Variants in OSMR observed in about 807,000 individuals in gnomAD.
The protein encoded by OSMR is oncostatin-M-specific receptor subunit beta.
Under a neutral mutation model 99.9 loss-of-function variants are expected in OSMR, and 81 were observed. The observed-to-expected ratio is 0.81, with a 90% CI of 0.68 to 0.97. The LOEUF is 0.97. Among genes scored for constraint, OSMR ranks in the 50% least tolerant of loss-of-function variants. The pLI is 0.00. For synonymous variants in OSMR, 406 were observed against 410.4 expected, an observed-to-expected ratio of 0.99 and a Z score of 0.13; for missense variants, 1,099 against 1,153.4, an observed-to-expected ratio of 0.95 and a Z score of 0.68.
In OSMR at chr5:38,896,386, G is replaced by A. The variant is rs1744521185; in HGVS notation, c.992-7496G>A. ...CTGCTTTGGTTAAGTTAATTCCTAG[G>A]TATTTAATTTTACTTGTTGCTATTG... On this transcript the variant is annotated intron_variant, in intron 7 of 17. Coordinates refer to ENST00000274276, the MANE Select transcript of OSMR (RefSeq NM_003999.3). 5.9e-5 allele frequency among the ~76,000 whole-genome samples: 9 copies of A among 151,794 alleles called. No individual in the cohort carries two copies. The South Asian group carries it at 1.7e-3, about 28-fold the overall frequency.
intron 11 of OSMR, chr5:38,919,647 G>A (rs1459179374): frequency 3.5e-6 from 1 of 285,354 alleles, no homozygotes; most frequent in East Asian, 9.5e-5. Context: ...CATAAAAAGA[G>A]TCAACCCCAC....
At chr5:38,872,610 A>G (rs1742474423) in intron 2 of OSMR, among the ~76,000 whole-genome samples, 1 of 152,130 alleles carries the variant, frequency 6.6e-6, no homozygotes, top group African/African-American at 2.4e-5. Flanking sequence ...CTTTTATATT[A>G]TAACTTATTA....
chr5:38,918,732 G>A (rs1018674193), intron 10 of OSMR, 108 bp from the exon 11 acceptor site: 1 of 1,534,880 alleles, frequency 6.5e-7, no homozygotes, highest in Admixed American at 2.1e-5. Context: ...GAATTTTCTG[G>A]TGTGTGCGTA....
chr5:38,939,833 CTGA>C (rs1579837110), downstream of OSMR: 3 of 223,740 alleles, frequency 1.3e-5, no homozygotes, highest in South Asian at 1.8e-4. Flanking sequence ...TCTATTACTG[CTGA>C]TATCATTCCT....
chr5:38,929,972 TCTC>T (rs938203728), intron 15 of OSMR, among the ~76,000 whole-genome samples: 24 of 152,196 alleles, frequency 1.6e-4, no homozygotes, highest in African/African-American at 5.3e-4. Context: ...TATTCTCCTG[TCTC>T]CTCGTTTTCT....
At chr5:38,940,883 G>A (rs184649170) in intron 1 of OSMR, 23 of 232,200 alleles carry the variant, frequency 9.9e-5, no homozygotes, top group Middle Eastern at 1.3e-3. Flanking sequence ...AAATATTAAT[G>A]TTGCTATGAC....
At chr5:38,930,271 C>T (rs1746661801) in intron 15 of OSMR, among the ~76,000 whole-genome samples, 1 of 152,172 alleles carries the variant, frequency 6.6e-6, no homozygotes, top group Admixed American at 6.5e-5. Context: ...GAGTTTCTTT[C>T]CCCTTTTCCA....
chr5:38,904,547 G>A (rs747746003), intron 9 of OSMR, 44 bp downstream of exon 9: 5 of 1,613,000 alleles, frequency 3.1e-6, no homozygotes, highest in Non-Finnish European at 3.4e-6. Flanking sequence ...GTAGGTCTTA[G>A]GAGTTAGACT....
intron 3 of OSMR, among the ~76,000 whole-genome samples, chr5:38,880,685 G>T (rs1330358800): frequency 6.6e-6 from 1 of 152,202 alleles, no homozygotes; most frequent in African/African-American, 2.4e-5. Flanking sequence ...GCAAAGACAG[G>T]TCTGAAAGCA....
chr5:38,927,398 A>G (rs1035719382), intron 15 of OSMR, among the ~76,000 whole-genome samples: 6 of 152,194 alleles, frequency 3.9e-5, no homozygotes, highest in East Asian at 1.9e-4. Flanking sequence ...AGGCATTTCC[A>G]TATGTCCTCT....
intron 1 of OSMR, among the ~76,000 whole-genome samples, chr5:38,848,682 C>T (rs1740084793): frequency 6.6e-6 from 1 of 152,178 alleles, no homozygotes; most frequent in Non-Finnish European, 1.5e-5. Flanking sequence ...AATTATCTTA[C>T]TATACTTATT....
At chr5:38,921,011 C>A (rs1042158591) in intron 11 of OSMR, among the ~76,000 whole-genome samples, 1 of 152,128 alleles carries the variant, frequency 6.6e-6, no homozygotes, top group South Asian at 2.1e-4. Flanking sequence ...CTACCTGTAA[C>A]ACATCTCAGA....
intron 1 of OSMR, chr5:38,941,018 T>C (rs1353156809): frequency 4.3e-6 from 1 of 232,780 alleles, no homozygotes; most frequent in African/African-American, 2.2e-5. Context: ...AAGATAATCC[T>C]TTCATTTACA....
rs1742171942 is a variant in OSMR, at chr5:38,869,073, C to A, written c.29C>A (p.Thr10Lys). 1 of 1,613,788 alleles carries A rather than the reference C, an allele frequency of 6.2e-7. No individual in the cohort carries two copies. Among genetic ancestry groups the A allele is most frequent in the East Asian group, 2.2e-5 (1 of 44,860 alleles). Reference protein sequence around the residue: MALFAVFQTTFFLTLLSLRT... With the variant: MALFAVFQTKFFLTLLSLRT... Reference sequence around the variant, plus strand: ...GCTCTATTTGCAGTCTTTCAGACAACATTCTTCTTAACATTGCTGTCCTTG... The same window carrying A: ...GCTCTATTTGCAGTCTTTCAGACAAAATTCTTCTTAACATTGCTGTCCTTG... Residue 10 changes from threonine to lysine, a missense_variant, in exon 2 of 18, where the codon ACA (threonine) becomes AAA (lysine). Physicochemically the swap from Thr to Lys is moderately conservative, Grantham distance 78. Coordinates refer to ENST00000274276, the MANE Select transcript of OSMR (RefSeq NM_003999.3).
At chr5:38,869,313 C>G (rs530733808) in intron 2 of OSMR, among the ~76,000 whole-genome samples, 196 bp downstream of exon 2, 33 of 152,336 alleles carry the variant, frequency 2.2e-4, no homozygotes, top group African/African-American at 5.8e-4. Flanking sequence ...CTTGATGGCT[C>G]TCTTAATAAG....
At chr5:38,879,685 G>A (rs1292544339) in intron 3 of OSMR, among the ~76,000 whole-genome samples, 2 of 148,582 alleles carry the variant, frequency 1.3e-5, no homozygotes, top group East Asian at 2.0e-4. Context: ...GTGCAGTGGC[G>A]CAATCCCAGC....
intron 9 of OSMR, among the ~76,000 whole-genome samples, chr5:38,913,712 T>A (rs1370218902): frequency 1.3e-5 from 2 of 152,202 alleles, no homozygotes; most frequent in African/African-American, 4.8e-5. Context: ...AGGCTATTTT[T>A]AAAAATCTTT....
At chr5:38,886,727 T>G (rs1481675102) in intron 7 of OSMR, 2 of 152,632 alleles carry the variant, frequency 1.3e-5, no homozygotes, top group African/African-American at 4.8e-5. Flanking sequence ...ATATTAAATA[T>G]TTTATTCATG....
rs1232184962 is a variant in OSMR, at chr5:38,861,570, T to TC, written c.-13-7456dup. Among the ~76,000 whole-genome samples the TC allele has an allele frequency of 1.1e-3, 166 of 151,892 alleles. 3 individuals carry two copies. The highest frequency in any genetic ancestry group is 3.9e-3 in the African/African-American group (161 of 41,446). ...GATTTCTCAATCTTTTCCCCACCTT[T>TC]CCCCCCTCTCTATTCCACAAAACCG... On this transcript the variant is annotated intron_variant, in intron 1 of 17. Coordinates refer to ENST00000274276, the MANE Select transcript of OSMR (RefSeq NM_003999.3).
Sources: gnomAD v4.1 joint callset for allele counts (sites outside exome capture counted in the v4.1 genomes callset) on GRCh38, gnomAD v4.1.1 for gene constraint, MANE v1.5 for transcripts, NCBI Gene and HGNC (gene_info 2026-07-23, HGNC 2026-07-21) for gene names.